The following RHOU variants were observed in gnomAD, a reference collection of about 807,000 sequenced individuals.
The protein encoded by RHOU is rho-related GTP-binding protein RhoU.
A neutral mutation model predicts 12.6 loss-of-function variants in RHOU; 8 were observed. The observed-to-expected ratio is 0.64, with a 90% CI of 0.37 to 1.15. RHOU has a LOEUF of 1.15. Ranked by LOEUF, RHOU falls within the 50% of genes most tolerant of loss-of-function variation. RHOU has a pLI of 0.01. For missense variants in RHOU, 258 were observed against 347.0 expected (o/e 0.74, Z 2.04); for synonymous variants, 161 against 147.4 (o/e 1.09, Z -0.67).
chr1:228,683,720 A>C, the RHOU span, among the ~76,000 whole-genome samples: 1 of 152,246 alleles, frequency 6.6e-6, no homozygotes, highest in Non-Finnish European at 1.5e-5. Flanking sequence ...ATATTTTTAA[A>C]GAGGTTTATT....
chr1:228,743,300 C>G lies in RHOU; in HGVS notation c.337C>G (p.Leu113Val). 1 of 1,613,382 alleles carries G rather than the reference C, an allele frequency of 6.2e-7. No individual in the cohort carries two copies. The highest frequency in any genetic ancestry group is 8.5e-7 in the Non-Finnish European group (1 of 1,179,330). The change falls in exon 3 of 3, where the codon CTG becomes GTG. Residue 113 changes from leucine (L) to valine (V), a missense_variant. Leu to Val is a conservative substitution (Grantham distance 32). Transcript: ENST00000366691. This position sits in a 1 kb window ranked among gnomAD's most constrained non-coding sequence, Gnocchi z 5.1. ...TTGGTTGCAGGATGAATTTGACAAG[C>G]TGAGGCCTCTCTGCTACACCAACAC... is the stretch of plus-strand genomic sequence containing the variant. ...DTAGQDEFDK[L>V]RPLCYTNTDI... is the part of the protein sequence containing the mutation.
the RHOU span, chr1:228,650,627 C>G: frequency 4.4e-6 from 2 of 449,456 alleles, no homozygotes; most frequent in South Asian, 3.2e-5. Flanking sequence ...GGATATGAGA[C>G]CTTCTTCCAG....
chr1:228,709,626 A>G, the RHOU span, among the ~76,000 whole-genome samples: 12 of 146,434 alleles, frequency 8.2e-5, no homozygotes, highest in African/African-American at 2.2e-4. Context: ...ACAAAGACAC[A>G]ACATACCAGA....
intron 2 of RHOU, among the ~76,000 whole-genome samples, chr1:228,742,019 G>C (rs1317270238): frequency 6.6e-6 from 1 of 152,208 alleles, no homozygotes; most frequent in Non-Finnish European, 1.5e-5. Flanking sequence ...GCCACGGATG[G>C]AGTATAATGT....
At chr1:228,732,353 T>C (rs1662513874), upstream of RHOU, among the ~76,000 whole-genome samples, 2 of 152,146 alleles carry the variant, frequency 1.3e-5, no homozygotes. Context: ...GGGCTTCTTG[T>C]AGCATTAGTT....
At chr1:228,732,998 T>C (rs1267471598), upstream of RHOU, among the ~76,000 whole-genome samples, 1 of 152,220 alleles carries the variant, frequency 6.6e-6, no homozygotes, top group Non-Finnish European at 1.5e-5. Flanking sequence ...TCTATGACAT[T>C]ATTTTCATTT....
At chr1:228,693,276 C>A in the RHOU span, among the ~76,000 whole-genome samples, 1 of 152,188 alleles carries the variant, frequency 6.6e-6, no homozygotes, top group Non-Finnish European at 1.5e-5. Context: ...AGAGTTACAG[C>A]GTGAACTGAC....
the RHOU span, among the ~76,000 whole-genome samples, chr1:228,670,479 C>A: frequency 6.6e-6 from 1 of 152,222 alleles, no homozygotes; most frequent in Non-Finnish European, 1.5e-5. Context: ...AGAGTGAACA[C>A]CATCTCTTAC....
At chr1:228,693,592 G>A in the RHOU span, among the ~76,000 whole-genome samples, 9 of 151,950 alleles carry the variant, frequency 5.9e-5, no homozygotes, top group South Asian at 6.2e-4. Flanking sequence ...TCAGTCTCCC[G>A]AGTAGCTGGG....
At chr1:228,660,305 C>T in the RHOU span, among the ~76,000 whole-genome samples, 1 of 148,604 alleles carries the variant, frequency 6.7e-6, no homozygotes, top group Admixed American at 6.7e-5. Flanking sequence ...AGACTAGTAA[C>T]TAGTAAGGAG....
the RHOU span, among the ~76,000 whole-genome samples, chr1:228,662,025 G>A: frequency 6.6e-6 from 1 of 152,308 alleles, no homozygotes; most frequent in South Asian, 2.1e-4. Flanking sequence ...CAAAGTATAT[G>A]AACAGACACT....
chr1:228,670,875 G>A, the RHOU span, among the ~76,000 whole-genome samples: 3 of 152,332 alleles, frequency 2.0e-5, no homozygotes, highest in African/African-American at 7.2e-5. Flanking sequence ...GGGAAGAAAT[G>A]CTTGCTTCCT....
At chr1:228,736,982 C>T (rs1662625662) in intron 1 of RHOU, among the ~76,000 whole-genome samples, 2 of 135,984 alleles carry the variant, frequency 1.5e-5, no homozygotes, top group South Asian at 5.1e-4. Context: ...TATTTAGAAA[C>T]AATTAGAAAG....
the RHOU span, among the ~76,000 whole-genome samples, chr1:228,693,894 A>G: frequency 5.9e-5 from 9 of 152,252 alleles, no homozygotes; most frequent in African/African-American, 1.9e-4. Flanking sequence ...AATGAAATTA[A>G]AGCATTAGAA....
chr1:228,708,428 A>G, the RHOU span, among the ~76,000 whole-genome samples: 3 of 151,670 alleles, frequency 2.0e-5, no homozygotes, highest in Non-Finnish European at 2.9e-5. Context: ...GTTACCCTCA[A>G]AGGGAAGCCC....
the RHOU span, among the ~76,000 whole-genome samples, chr1:228,659,480 A>G: frequency 1.3e-4 from 20 of 151,986 alleles, no homozygotes; most frequent in African/African-American, 4.8e-4. Context: ...TAAACCCAAC[A>G]CTAGCAGAAG....
At chr1:228,666,531 T>A in the RHOU span, among the ~76,000 whole-genome samples, 1 of 152,216 alleles carries the variant, frequency 6.6e-6, no homozygotes, top group Admixed American at 6.5e-5. Context: ...CTAATTCCCC[T>A]TACCTATCTG....
At chr1:228,701,053 C>T in the RHOU span, among the ~76,000 whole-genome samples, 2 of 152,176 alleles carry the variant, frequency 1.3e-5, no homozygotes, top group South Asian at 4.1e-4. Flanking sequence ...TGTGCCACTG[C>T]ACTCTAGCCT....
chr1:228,696,028 A>G, the RHOU span, among the ~76,000 whole-genome samples: 4 of 152,372 alleles, frequency 2.6e-5, no homozygotes, highest in Admixed American at 1.3e-4. Flanking sequence ...TACGAATTAT[A>G]TGCCAAGAGA....
Sources: gnomAD v4.1 joint callset for allele counts (sites outside exome capture counted in the v4.1 genomes callset) on GRCh38, gnomAD v4.1.1 for gene constraint, Gnocchi (gnomAD v3.1) non-coding constraint, MANE v1.5 for transcripts, NCBI Gene and HGNC (gene_info 2026-07-23, HGNC 2026-07-21) for gene names.